Variants in NRXN1 observed in about 807,000 individuals in gnomAD.
NRXN1 encodes the protein neurexin-1.
NRXN1 carries 39 observed loss-of-function variants against 150.9 expected under a neutral mutation model. That is an observed-to-expected ratio of 0.26 (90% CI 0.20 to 0.34). The LOEUF is 0.34. Ranked by LOEUF, NRXN1 falls within the 10% of genes least tolerant of loss-of-function variation. NRXN1 has a pLI of 1.00. For missense variants in NRXN1, 1,815 were observed against 1,949.9 expected, an observed-to-expected ratio of 0.93 and a Z score of 1.30; for synonymous variants, 924 against 757.0, an observed-to-expected ratio of 1.22 and a Z score of -3.62.
At chr2:50,803,932 C>T (rs574693585) in intron 5 of NRXN1, among the ~76,000 whole-genome samples, 1 of 152,200 alleles carries the variant, frequency 6.6e-6, no homozygotes, top group East Asian at 1.9e-4. Context: ...TATGAATATA[C>T]CTGTATCACT....
intron 2 of NRXN1, among the ~76,000 whole-genome samples, chr2:50,980,590 TTTAA>T (rs1473682339): frequency 6.6e-6 from 1 of 152,130 alleles, no homozygotes; most frequent in Non-Finnish European, 1.5e-5. Context: ...ATGTTAATAA[TTTAA>T]TTAAGCTAGT....
chr2:50,631,190 T>C (rs554074862), intron 5 of NRXN1: 6 of 410,284 alleles, frequency 1.5e-5, no homozygotes, highest in Admixed American at 7.4e-5. Flanking sequence ...TTTCAACATA[T>C]GTAAATTCTG....
At chr2:50,282,901 C>A (rs982536118) in intron 17 of NRXN1, among the ~76,000 whole-genome samples, 1 of 152,116 alleles carries the variant, frequency 6.6e-6, no homozygotes, top group Admixed American at 6.6e-5. Context: ...ACTTTGAAGT[C>A]AAAGAGTAAT....
At chr2:50,075,647 T>G (rs1445596815) in intron 19 of NRXN1, among the ~76,000 whole-genome samples, 1 of 152,240 alleles carries the variant, frequency 6.6e-6, no homozygotes, top group East Asian at 1.9e-4. Flanking sequence ...AGTGCTTCTT[T>G]TTTTATCAGA....
intron 17 of NRXN1, among the ~76,000 whole-genome samples, chr2:50,284,801 A>ATGAAGC (rs1196499297): frequency 5.3e-5 from 8 of 152,208 alleles, no homozygotes; most frequent in Admixed American, 5.2e-4. Context: ...CCACAATGTT[A>ATGAAGC]TGAAGCATAT....
chr2:50,198,247 T>C (rs1177676980), intron 18 of NRXN1, among the ~76,000 whole-genome samples: 3 of 152,068 alleles, frequency 2.0e-5, no homozygotes, highest in Non-Finnish European at 4.4e-5. Context: ...CTTAGATTGT[T>C]AGGAAAAGAA....
At chr2:50,312,897 C>A in intron 17 of NRXN1, 3 of 437,410 alleles carry the variant, frequency 6.9e-6, no homozygotes, top group South Asian at 4.9e-5. Context: ...ACATAAGCAA[C>A]TTGTTAGGGC....
intron 21 of NRXN1, among the ~76,000 whole-genome samples, chr2:49,982,572 T>A (rs1680159421): frequency 6.6e-6 from 1 of 152,094 alleles, no homozygotes. Flanking sequence ...TCTTCATTTC[T>A]TATTTGTATA....
chr2:50,543,187 G>A (rs562454778), intron 9 of NRXN1, among the ~76,000 whole-genome samples: 2 of 152,158 alleles, frequency 1.3e-5, no homozygotes, highest in South Asian at 4.1e-4. Flanking sequence ...ATACTGACAT[G>A]TTCTTTTTTA....
chr2:50,377,125 T>TGAAG (rs1267794291), intron 17 of NRXN1, among the ~76,000 whole-genome samples: 2 of 152,120 alleles, frequency 1.3e-5, no homozygotes, highest in African/African-American at 4.8e-5. Flanking sequence ...AAGATACATG[T>TGAAG]GAAGGATGTG....
chr2:50,312,723 G>C (rs893522547), intron 17 of NRXN1: 3 of 515,950 alleles, frequency 5.8e-6, no homozygotes, highest in Admixed American at 2.0e-5. Context: ...GCTTCTATCA[G>C]ATTTGTGTCA....
intron 17 of NRXN1, among the ~76,000 whole-genome samples, chr2:50,461,420 A>G (rs2088198111): frequency 2.6e-5 from 4 of 151,978 alleles, no homozygotes; most frequent in Admixed American, 2.0e-4. Flanking sequence ...TAATGTGACA[A>G]TGTTATTATG....
intron 18 of NRXN1, among the ~76,000 whole-genome samples, chr2:50,229,063 G>A (rs1386004348): frequency 3.9e-5 from 6 of 151,932 alleles, no homozygotes; most frequent in African/African-American, 1.4e-4. Flanking sequence ...CTAGTCCTCC[G>A]ATTCTAATTT....
intron 17 of NRXN1, among the ~76,000 whole-genome samples, chr2:50,330,153 A>G (rs2076743371): frequency 6.6e-6 from 1 of 152,160 alleles, no homozygotes; most frequent in African/African-American, 2.4e-5. Flanking sequence ...GTTGCAATAC[A>G]GTCTGCACAG....
intron 2 of NRXN1, among the ~76,000 whole-genome samples, chr2:50,993,343 C>T (rs955001237): frequency 1.3e-5 from 2 of 151,856 alleles, no homozygotes; most frequent in South Asian, 4.1e-4. Context: ...GTGTGCCATA[C>T]TGCCCCAAAG....
At chr2:50,079,540 C>G (rs1214571725) in intron 19 of NRXN1, among the ~76,000 whole-genome samples, 3 of 151,842 alleles carry the variant, frequency 2.0e-5, no homozygotes, top group Non-Finnish European at 4.4e-5. Flanking sequence ...GAATAGTGCC[C>G]AAAATGTATT....
At chr2:50,964,630 C>T (rs1175097531) in intron 2 of NRXN1, among the ~76,000 whole-genome samples, 2 of 151,396 alleles carry the variant, frequency 1.3e-5, no homozygotes, top group Non-Finnish European at 3.0e-5. Context: ...GAGAAACACG[C>T]TTCAGTACAA....
At chr2:50,968,281 C>T (rs945364905) in intron 2 of NRXN1, among the ~76,000 whole-genome samples, 42 of 152,154 alleles carry the variant, frequency 2.8e-4, no homozygotes, top group Admixed American at 8.5e-4. Context: ...TGCAACAATT[C>T]TCTACTAATA....
At chr2:50,204,739 C>T (rs2062440120) in intron 18 of NRXN1, among the ~76,000 whole-genome samples, 1 of 151,404 alleles carries the variant, frequency 6.6e-6, no homozygotes, top group Non-Finnish European at 1.5e-5. Context: ...TATTTTTGGC[C>T]AAAGAGTGGG....
Sources: gnomAD v4.1 joint callset for allele counts (sites outside exome capture counted in the v4.1 genomes callset) on GRCh38, gnomAD v4.1.1 for gene constraint, MANE v1.5 for transcripts, NCBI Gene and HGNC (gene_info 2026-07-23, HGNC 2026-07-21) for gene names.